OPRM1: variants seen among roughly 807,000 people sequenced by gnomAD.
OPRM1 encodes the protein mu-type opioid receptor.
OPRM1 carries 27 observed loss-of-function variants against 31.8 expected under a neutral mutation model. The ratio of observed to expected loss-of-function variants is 0.85; its 90% CI spans 0.63 to 1.17. OPRM1 has a LOEUF of 1.17. Ranked by LOEUF, OPRM1 falls within the 50% of genes most tolerant of loss-of-function variation. The pLI, the probability that OPRM1 is intolerant of heterozygous loss-of-function variation, is 0.00. For missense variants in OPRM1, 536 were observed against 511.1 expected, an observed-to-expected ratio of 1.05 and a Z score of -0.47; for synonymous variants, 196 against 189.9, an observed-to-expected ratio of 1.03 and a Z score of -0.26.
chr6:154,118,750 C>T lies in OPRM1; in HGVS notation c.*29C>T. On this transcript the variant is annotated 3_prime_UTR_variant, in exon 4 of 4. Coordinates refer to ENST00000330432, the MANE Select transcript of OPRM1 (RefSeq NM_000914.5). ...GGTCTCATGCCATTCCGACCTTCAC[C>T]AAGCTTAGAAGCCACCATGTATGTG... 1 of 1,612,274 alleles carries T rather than the reference C, an allele frequency of 6.2e-7. No homozygotes were observed. The highest frequency in any genetic ancestry group is 8.5e-7 in the Non-Finnish European group (1 of 1,179,306).
At position 154,123,515 on chromosome 6, in the gene OPRM1, C is replaced by A. The variant is rs548149831; in HGVS notation, c.*4794C>A. ...TAACTGATTGGTCCTTTTCTTCTCC[C>A]TGAAAAGCAAGTTTATTAAGAAAGC... On this transcript the variant is annotated 3_prime_UTR_variant, in exon 4 of 4. Transcript: ENST00000330432. Among the ~76,000 whole-genome samples the A allele has an allele frequency of 6.6e-6, 1 of 152,292 alleles. No homozygotes were observed. Among genetic ancestry groups the A allele is most frequent in the East Asian group, 1.9e-4 (1 of 5,188 alleles).
In OPRM1 at chr6:154,130,602, T is replaced by G. The variant is rs1347581729; in HGVS notation, c.*11881T>G. Among the ~76,000 whole-genome samples the G allele has an allele frequency of 6.6e-6, 1 of 152,164 alleles. No homozygotes were observed. The highest frequency in any genetic ancestry group is 6.5e-5 in the Admixed American group (1 of 15,274). On this transcript the variant is annotated 3_prime_UTR_variant, in exon 4 of 4. Transcript: ENST00000330432. ...ATTTGCCTATAAATCCCCATCAATT[T>G]AATAGGAATTAAGTTAGAAATACTA... is the stretch of plus-strand genomic sequence containing the variant.
intron 3 of OPRM1, among the ~76,000 whole-genome samples, chr6:154,161,480 T>C (rs527672410): frequency 1.3e-5 from 2 of 152,314 alleles, no homozygotes; most frequent in East Asian, 3.9e-4. Flanking sequence ...CCCAAAGTGC[T>C]GGGATTACAG....
At chr6:154,139,836 A>G (rs577714632) in intron 3 of OPRM1, among the ~76,000 whole-genome samples, 1 of 152,320 alleles carries the variant, frequency 6.6e-6, no homozygotes, top group South Asian at 2.1e-4. Flanking sequence ...TCTCCACGGT[A>G]TATGAAATGG....
intron 3 of OPRM1, among the ~76,000 whole-genome samples, chr6:154,161,739 C>A (rs1310337226): frequency 6.6e-6 from 1 of 152,130 alleles, no homozygotes; most frequent in Non-Finnish European, 1.5e-5. Flanking sequence ...TTCCTTCATC[C>A]CTGTATTCCC....
rs557508813 is a variant in OPRM1, at chr6:154,127,426, G to A, written c.*8705G>A. Among the ~76,000 whole-genome samples, 1 of 152,206 alleles carries A rather than the reference G, an allele frequency of 6.6e-6. No individual in the cohort carries two copies. The highest frequency in any genetic ancestry group is 2.4e-5 in the African/African-American group (1 of 41,530). On this transcript the variant is annotated 3_prime_UTR_variant, in exon 4 of 4. Transcript: ENST00000330432. ...AGGGGCTTAGGGGGAGGTTTTGTTT[G>A]GGTTTTTTGTTGCTGTTGCTTGTTT...
downstream of OPRM1, among the ~76,000 whole-genome samples, chr6:154,135,418 C>A (rs1011341666): frequency 3.3e-5 from 5 of 151,554 alleles, no homozygotes; most frequent in Admixed American, 6.6e-5. Context: ...TGCAGTGAAC[C>A]GAGATCATGC....
In OPRM1 at chr6:154,214,411, T is replaced by C. The variant is rs898794274; in HGVS notation, c.1165-32282T>C. 6 of 721,956 alleles carry C rather than the reference T, an allele frequency of 8.3e-6. No homozygotes were observed. The Admixed American group carries it at 1.3e-4, about 15-fold the overall frequency. The allele number at this position is 721,956 out of a possible 1,614,324, so 44.7% of individuals were successfully genotyped here. A position where few individuals can be genotyped will look rare whatever the true frequency, so the allele number is the denominator to read the frequency against. On this transcript the variant is annotated intron_variant, in intron 3 of 3. Transcript: ENST00000337049. ...CACATTTCCAGAAAGAGCATAAGTT[T>C]GTGCCATCGAAACCTAAGGCCTCTG...
At chr6:154,079,585 A>G (rs917476860) in intron 1 of OPRM1, among the ~76,000 whole-genome samples, 3 of 152,248 alleles carry the variant, frequency 2.0e-5, no homozygotes, top group Non-Finnish European at 2.9e-5. Context: ...ATCACAAGTA[A>G]AAATAAGAAA....
intron 3 of OPRM1, among the ~76,000 whole-genome samples, chr6:154,174,287 G>A (rs1301447300): frequency 6.6e-6 from 1 of 152,084 alleles, no homozygotes; most frequent in East Asian, 1.9e-4. Flanking sequence ...AAACTAGCTA[G>A]CATCATAATG....
chr6:154,109,672 C>T (rs1261400082), intron 3 of OPRM1, among the ~76,000 whole-genome samples: 1 of 152,000 alleles, frequency 6.6e-6, no homozygotes, highest in Non-Finnish European at 1.5e-5. Context: ...GCTCTATAGA[C>T]AAGTGTTAGG....
intron 3 of OPRM1, among the ~76,000 whole-genome samples, chr6:154,238,930 T>TAA (rs945093954): frequency 1.2e-4 from 17 of 147,436 alleles, no homozygotes; most frequent in Middle Eastern, 6.9e-3. Flanking sequence ...TTGTTTTTTT[T>TAA]AAAAAAAAAA....
chr6:154,044,972 G>A (rs1780822609), intron 1 of OPRM1, among the ~76,000 whole-genome samples: 1 of 151,902 alleles, frequency 6.6e-6, no homozygotes, highest in Admixed American at 6.6e-5. Context: ...TACTTACAAT[G>A]CCAGCGCTTT....
intron 1 of OPRM1, among the ~76,000 whole-genome samples, chr6:154,081,697 G>T (rs1789196623): frequency 6.6e-6 from 1 of 152,178 alleles, no homozygotes; most frequent in East Asian, 1.9e-4. Flanking sequence ...CTTCGACGTG[G>T]TCAGAGAGGT....
intron 3 of OPRM1, among the ~76,000 whole-genome samples, chr6:154,147,310 C>A (rs1177734617): frequency 1.3e-5 from 2 of 152,240 alleles, no homozygotes; most frequent in East Asian, 3.8e-4. Context: ...TACATAGGAA[C>A]TGTCATGATT....
At chr6:154,032,478 C>A (rs981112413) in intron 1 of OPRM1, among the ~76,000 whole-genome samples, 4 of 152,180 alleles carry the variant, frequency 2.6e-5, no homozygotes, top group Non-Finnish European at 4.4e-5. Flanking sequence ...CTCTATCACC[C>A]AGGCTGGAGT....
chr6:154,145,911 G>T (rs1798347225), intron 3 of OPRM1, among the ~76,000 whole-genome samples: 1 of 152,236 alleles, frequency 6.6e-6, no homozygotes, highest in Non-Finnish European at 1.5e-5. Context: ...TGGTGCTGGA[G>T]CAATTGGACA....
intron 1 of OPRM1, among the ~76,000 whole-genome samples, chr6:154,067,262 G>A (rs1342923200): frequency 6.6e-6 from 1 of 151,538 alleles, no homozygotes; most frequent in Non-Finnish European, 1.5e-5. Flanking sequence ...GTTAACTTAA[G>A]ATTTTTAAAT....
chr6:154,184,700 G>A (rs551713164), intron 3 of OPRM1, among the ~76,000 whole-genome samples: 68 of 152,008 alleles, frequency 4.5e-4, no homozygotes, highest in African/African-American at 1.6e-3. Context: ...TGAATGAATG[G>A]TAATTTTAGT....
Sources: allele counts gnomAD v4.1 joint callset (sites outside exome capture counted in the v4.1 genomes callset), GRCh38; gene constraint gnomAD v4.1.1; transcripts MANE v1.5; gene names NCBI Gene and HGNC (gene_info 2026-07-23, HGNC 2026-07-21).